FGF13: variants seen among roughly 807,000 people sequenced by gnomAD.
FGF13 encodes fibroblast growth factor 13, also known as fibroblast growth factor homologous factor 2.
FGF13 carries 2 observed loss-of-function variants against 19.5 expected under a neutral mutation model. That is an observed-to-expected ratio of 0.10 (90% CI 0.04 to 0.32). The LOEUF (loss-of-function observed/expected upper bound fraction) is 0.32, where lower values mean the gene tolerates loss of function less well. FGF13 is among the 10% of genes least tolerant of loss of function. The pLI is 1.00. For synonymous variants in FGF13, 72 were observed against 76.9 expected (o/e 0.94, Z 0.33); for missense variants, 113 against 192.7 (o/e 0.59, Z 2.45).
At chrX:138,769,780 G>C (rs190765321) in intron 3 of FGF13, among the ~76,000 whole-genome samples, 1 of 112,285 alleles carries the variant, frequency 8.9e-6, no homozygotes, top group Admixed American at 9.4e-5. Context: ...CCTGGAATTT[G>C]GGCCAGCCCA....
chrX:138,999,089 G>T (rs745642772), intron 1 of FGF13, among the ~76,000 whole-genome samples: 7 of 111,624 alleles, frequency 6.3e-5, no homozygotes, highest in Non-Finnish European at 1.3e-4. Context: ...ATGACTACTG[G>T]GTAAATAACA....
chrX:139,140,013 A>G (rs909982107), intron 1 of FGF13, among the ~76,000 whole-genome samples: 3 of 111,290 alleles, frequency 2.7e-5, no homozygotes, highest in African/African-American at 9.8e-5. Context: ...GTGTTACTCA[A>G]CTTAGTTCAT....
chrX:139,001,164 C>T (rs2092071349), intron 1 of FGF13, among the ~76,000 whole-genome samples: 1 of 111,959 alleles, frequency 8.9e-6, no homozygotes, highest in Non-Finnish European at 1.9e-5. Flanking sequence ...CCCTTCCTTA[C>T]ACCTTATACA....
chrX:138,957,998 C>T (rs2091849587), intron 1 of FGF13, among the ~76,000 whole-genome samples: 1 of 111,859 alleles, frequency 8.9e-6, no homozygotes, highest in Non-Finnish European at 1.9e-5. Flanking sequence ...TCCTCTTTTC[C>T]TAACTGAATA....
chrX:139,186,891 T>C (rs1308564154), intron 1 of FGF13, among the ~76,000 whole-genome samples: 2 of 112,033 alleles, frequency 1.8e-5, no homozygotes, highest in African/African-American at 3.2e-5. Flanking sequence ...TCAGGGAGCA[T>C]TCCCTGGTCC....
At chrX:138,755,213 A>G (rs1328546696) in intron 3 of FGF13, among the ~76,000 whole-genome samples, 1 of 112,216 alleles carries the variant, frequency 8.9e-6, no homozygotes, top group African/African-American at 3.2e-5. Flanking sequence ...ACTCACCACC[A>G]TATCCCTAGC....
intron 1 of FGF13, among the ~76,000 whole-genome samples, chrX:139,169,058 T>G (rs1342495965): frequency 3.6e-5 from 4 of 112,049 alleles, no homozygotes; most frequent in African/African-American, 1.3e-4. Context: ...TTTACACAAA[T>G]TATCTTCTTT....
intron 1 of FGF13, among the ~76,000 whole-genome samples, chrX:138,882,679 T>C (rs1392446585): frequency 8.9e-5 from 10 of 111,939 alleles, no homozygotes; most frequent in African/African-American, 3.2e-4. Context: ...TCAGTTGGGC[T>C]GGTTTCAGTA....
intron 3 of FGF13, among the ~76,000 whole-genome samples, chrX:138,694,816 T>TA (rs2089878135): frequency 9.1e-6 from 1 of 109,816 alleles, no homozygotes. Context: ...TCAGTAAACT[T>TA]ATATGACATA....
At chrX:139,037,326 G>A (rs184773069) in intron 1 of FGF13, among the ~76,000 whole-genome samples, 1 of 110,796 alleles carries the variant, frequency 9.0e-6, no homozygotes, top group Non-Finnish European at 1.9e-5. Flanking sequence ...GAATTGCTGT[G>A]AATATTGAAA....
chrX:138,761,504 T>C (rs1656483477), intron 3 of FGF13, among the ~76,000 whole-genome samples: 1 of 111,395 alleles, frequency 9.0e-6, no homozygotes, highest in Admixed American at 9.6e-5. Context: ...TCCACAGGGT[T>C]AAAGCCAGTA....
At chrX:138,811,824 T>C (rs767330201) in intron 3 of FGF13, among the ~76,000 whole-genome samples, 2 of 110,694 alleles carry the variant, frequency 1.8e-5, no homozygotes, top group Non-Finnish European at 3.8e-5. Context: ...TCCACCAGGT[T>C]GTTCAATCAC....
intron 1 of FGF13, among the ~76,000 whole-genome samples, chrX:139,138,924 A>ATTTTTT (rs2083820417): frequency 1.1e-5 from 1 of 90,175 alleles, no homozygotes; most frequent in African/African-American, 4.6e-5. Context: ...CTTGTTATTT[A>ATTTTTT]TCTTTTTTTT....
chrX:139,117,884 C>G (rs904364673), intron 1 of FGF13, among the ~76,000 whole-genome samples: 2 of 111,502 alleles, frequency 1.8e-5, no homozygotes, highest in African/African-American at 6.5e-5. Context: ...CTCACATATT[C>G]TATCCTCTTC....
intron 1 of FGF13, among the ~76,000 whole-genome samples, chrX:139,196,015 G>A (rs191628676): frequency 3.6e-4 from 40 of 110,960 alleles, no homozygotes; most frequent in African/African-American, 1.2e-3. Context: ...AGCCCCATTC[G>A]GTTAATAAAA....
intron 3 of FGF13, among the ~76,000 whole-genome samples, chrX:138,780,188 T>C (rs1296112242): frequency 1.6e-3 from 180 of 109,397 alleles, no homozygotes; most frequent in African/African-American, 5.5e-3. Context: ...AAGGAACAAC[T>C]GGTACCAGCC....
intron 3 of FGF13, among the ~76,000 whole-genome samples, chrX:138,812,273 A>T (rs759862036): frequency 1.8e-5 from 2 of 112,302 alleles, no homozygotes; most frequent in South Asian, 3.7e-4. Context: ...TAGTACAGAC[A>T]GCCCACATTA....
intron 1 of FGF13, among the ~76,000 whole-genome samples, chrX:139,175,005 A>G (rs1223269621): frequency 8.9e-6 from 1 of 111,766 alleles, no homozygotes; most frequent in East Asian, 2.8e-4. Context: ...CATATTCATG[A>G]TATTGTTTCT....
At chrX:139,159,040 G>A (rs1159693137) in intron 1 of FGF13, among the ~76,000 whole-genome samples, 1 of 111,617 alleles carries the variant, frequency 9.0e-6, no homozygotes, top group East Asian at 2.8e-4. Context: ...ATTCACTAAG[G>A]TTGAAACGAA....
Sources: allele counts gnomAD v4.1 joint callset (sites outside exome capture counted in the v4.1 genomes callset), GRCh38; gene constraint gnomAD v4.1.1; transcripts MANE v1.5; gene names NCBI Gene and HGNC (gene_info 2026-07-23, HGNC 2026-07-21).